The following CSMD1 variants were observed in gnomAD, a reference collection of about 807,000 sequenced individuals.
The protein encoded by CSMD1 is CUB and Sushi multiple domains 1.
CSMD1 carries 213 observed loss-of-function variants against 417.5 expected under a neutral mutation model. That is an observed-to-expected ratio of 0.51 (90% CI 0.46 to 0.57). The LOEUF (loss-of-function observed/expected upper bound fraction) is 0.57, where lower values mean the gene tolerates loss of function less well. Among genes scored for constraint, CSMD1 ranks in the 20% least tolerant of loss-of-function variants. The pLI, the probability that CSMD1 is intolerant of heterozygous loss-of-function variation, is 0.00. For missense variants in CSMD1, 6,923 were observed against 4,529.7 expected (o/e 1.53, Z -15.17); for synonymous variants, 2,862 against 1,736.8 (o/e 1.65, Z -16.11).
intron 3 of CSMD1, among the ~76,000 whole-genome samples, chr8:4,392,999 G>A (rs547061727): frequency 5.3e-5 from 8 of 152,094 alleles, no homozygotes; most frequent in South Asian, 4.2e-4. Flanking sequence ...AAAGAGAGAT[G>A]GAGTGTCACT....
intron 37 of CSMD1, among the ~76,000 whole-genome samples, chr8:3,165,218 G>A (rs993981513): frequency 1.5e-4 from 23 of 151,842 alleles, no homozygotes; most frequent in Non-Finnish European, 3.1e-4. Flanking sequence ...TTAATACCTG[G>A]TATGTGTAAG....
At chr8:2,947,010 T>C (rs564489460) in intron 68 of CSMD1, among the ~76,000 whole-genome samples, 91 of 152,330 alleles carry the variant, frequency 6.0e-4, no homozygotes, top group African/African-American at 2.2e-3. Flanking sequence ...TTATCGCCAT[T>C]TGCATGTCTT....
chr8:3,696,586 G>T (rs535597926), intron 7 of CSMD1, among the ~76,000 whole-genome samples: 1 of 152,182 alleles, frequency 6.6e-6, no homozygotes, highest in Non-Finnish European at 1.5e-5. Context: ...ATTAATTTGG[G>T]CAGATCAGGA....
intron 3 of CSMD1, among the ~76,000 whole-genome samples, chr8:4,336,270 G>T (rs13278892): frequency 6.6e-6 from 1 of 152,126 alleles, no homozygotes; most frequent in African/African-American, 2.4e-5. Flanking sequence ...AAAATAGACA[G>T]TATTTTATGT....
intron 10 of CSMD1, among the ~76,000 whole-genome samples, chr8:3,512,780 T>C (rs1260289309): frequency 2.0e-5 from 3 of 151,856 alleles, no homozygotes; most frequent in African/African-American, 7.3e-5. Context: ...AGGTTTTTTA[T>C]TTTTTACTAG....
chr8:4,893,438 T>C (rs1484980264), intron 1 of CSMD1, among the ~76,000 whole-genome samples: 14 of 152,130 alleles, frequency 9.2e-5, no homozygotes, highest in Admixed American at 9.2e-4. Context: ...TTAAATGTTT[T>C]TCTTTATGTC....
chr8:3,235,900 T>C (rs1388703203), intron 26 of CSMD1, among the ~76,000 whole-genome samples: 3 of 149,692 alleles, frequency 2.0e-5, no homozygotes, highest in African/African-American at 7.3e-5. Context: ...TTTATGCCAG[T>C]TATATGAAGA....
chr8:2,987,707 G>A (rs1806044304), intron 54 of CSMD1, among the ~76,000 whole-genome samples: 1 of 152,168 alleles, frequency 6.6e-6, no homozygotes, highest in African/African-American at 2.4e-5. Flanking sequence ...AGAGTGATGC[G>A]GGTTCATCAC....
chr8:3,315,418 T>A (rs1318202367), intron 23 of CSMD1, among the ~76,000 whole-genome samples: 2 of 136,488 alleles, frequency 1.5e-5, no homozygotes, highest in Non-Finnish European at 3.2e-5. Context: ...TATTCAAGAA[T>A]GAAATTCTAG....
intron 5 of CSMD1, among the ~76,000 whole-genome samples, chr8:3,889,338 C>CTTAT (rs1806783568): frequency 6.6e-6 from 1 of 150,832 alleles, no homozygotes; most frequent in South Asian, 2.1e-4. Context: ...TCTGCCATGT[C>CTTAT]TTATGGTACT....
At chr8:4,287,044 A>C (rs571225019) in intron 3 of CSMD1, among the ~76,000 whole-genome samples, 1 of 152,340 alleles carries the variant, frequency 6.6e-6, no homozygotes, top group East Asian at 1.9e-4. Flanking sequence ...TTAGAGAATG[A>C]TTGTACACTA....
rs960783608 is a variant in CSMD1, at chr8:3,706,741, G to A, written c.1009+1673C>T. The stretch of plus-strand genomic sequence containing the variant: ...TTCTACATTGAACTTTAGATCATTT[G>A]TGCAGGGTTTTATCATAAAAATCAT... On this transcript the variant is annotated intron_variant, in intron 7 of 69. Transcript: ENST00000635120. 3.3e-5 allele frequency among the ~76,000 whole-genome samples: 5 copies of A among 152,162 alleles called. No individual in the cohort carries two copies. In the East Asian group the frequency reaches 9.7e-4, roughly 30 times the overall value.
At chr8:3,299,052 C>G (rs1584953348) in intron 25 of CSMD1, among the ~76,000 whole-genome samples, 1 of 152,058 alleles carries the variant, frequency 6.6e-6, no homozygotes, top group African/African-American at 2.4e-5. Context: ...AAATATGATA[C>G]AACAAAACTT....
chr8:2,938,862 G>C (rs1801671111), intron 69 of CSMD1, 118 bp from the exon 70 acceptor site: 1 of 849,798 alleles, frequency 1.2e-6, no homozygotes, highest in East Asian at 2.7e-5. Flanking sequence ...CAGGACGTTT[G>C]CAAAGAAGGA....
At chr8:4,723,496 C>A (rs770072944) in intron 1 of CSMD1, among the ~76,000 whole-genome samples, 1 of 152,056 alleles carries the variant, frequency 6.6e-6, no homozygotes, top group Non-Finnish European at 1.5e-5. Flanking sequence ...GACAACACGT[C>A]CATTTTGTAT....
At chr8:3,601,108 C>G (rs112846330) in intron 8 of CSMD1, among the ~76,000 whole-genome samples, 29 of 152,174 alleles carry the variant, frequency 1.9e-4, no homozygotes, top group African/African-American at 6.5e-4. Context: ...CTCCATGACT[C>G]CTGTATATCA....
intron 5 of CSMD1, among the ~76,000 whole-genome samples, chr8:3,948,039 C>A (rs997751279): frequency 6.6e-6 from 1 of 152,112 alleles, no homozygotes; most frequent in South Asian, 2.1e-4. Context: ...AACCCCGTCT[C>A]TACTAAAAAT....
At chr8:3,535,030 A>G (rs577352849) in intron 10 of CSMD1, among the ~76,000 whole-genome samples, 1 of 152,268 alleles carries the variant, frequency 6.6e-6, no homozygotes, top group African/African-American at 2.4e-5. Flanking sequence ...TCACCGTAGC[A>G]TTCAACTCCT....
chr8:3,220,074 G>A (rs943488682), intron 28 of CSMD1, among the ~76,000 whole-genome samples: 4 of 147,102 alleles, frequency 2.7e-5, no homozygotes, highest in East Asian at 2.1e-4. Flanking sequence ...GAGGCCAGGA[G>A]TCTGAGGCTG....
Sources: gnomAD v4.1 joint callset for allele counts (sites outside exome capture counted in the v4.1 genomes callset) on GRCh38, gnomAD v4.1.1 for gene constraint, MANE v1.5 for transcripts, NCBI Gene and HGNC (gene_info 2026-07-23, HGNC 2026-07-21) for gene names.